RAD18: variants seen among roughly 807,000 people sequenced by gnomAD.
The protein encoded by RAD18 is RAD18 E3 ubiquitin protein ligase, also known as E3 ubiquitin-protein ligase RAD18.
RAD18 carries 47 observed loss-of-function variants against 60.4 expected under a neutral mutation model. That is an observed-to-expected ratio of 0.78 (90% CI 0.62 to 0.99). RAD18 has a LOEUF of 0.99. RAD18 is among the 50% of genes least tolerant of loss of function. The probability of loss-of-function intolerance (pLI) is 0.00; values close to 1 mark genes in which losing one functional copy is unlikely to be tolerated. For synonymous variants in RAD18, 225 were observed against 195.5 expected, an observed-to-expected ratio of 1.15 and a Z score of -1.26; for missense variants, 640 against 593.3, an observed-to-expected ratio of 1.08 and a Z score of -0.82.
chr3:8,937,974 A>G (rs917232354), intron 6 of RAD18, among the ~76,000 whole-genome samples: 5 of 152,190 alleles, frequency 3.3e-5, no homozygotes, highest in African/African-American at 1.2e-4. Flanking sequence ...ATTCGAACTG[A>G]TGGATGGATC....
intron 11 of RAD18, among the ~76,000 whole-genome samples, chr3:8,895,324 C>T (rs965954734): frequency 6.6e-6 from 1 of 152,152 alleles, no homozygotes; most frequent in African/African-American, 2.4e-5. Context: ...GTCAACTTTC[C>T]AACAGCAATT....
At chr3:8,947,743 T>C (rs1940859842) in intron 3 of RAD18, among the ~76,000 whole-genome samples, 1 of 152,262 alleles carries the variant, frequency 6.6e-6, no homozygotes, top group Admixed American at 6.5e-5. Flanking sequence ...CCAGTACTTA[T>C]TTGGCATGAA....
chr3:8,948,964 G>T (rs191657111), intron 2 of RAD18, among the ~76,000 whole-genome samples: 4 of 152,136 alleles, frequency 2.6e-5, no homozygotes, highest in African/African-American at 7.2e-5. Context: ...ATATATCCAG[G>T]TTATCACATT....
In RAD18 at chr3:8,959,007, A is replaced by T; in HGVS notation, c.52-6T>A. 1 of 1,610,304 alleles carries T rather than the reference A, an allele frequency of 6.2e-7. No individual in the cohort carries two copies. Among genetic ancestry groups the T allele is most frequent in the Non-Finnish European group, 8.5e-7 (1 of 1,176,586 alleles). On this transcript the variant is annotated splice_polypyrimidine_tract_variant and splice_region_variant and intron_variant, in intron 1 of 12. Coordinates refer to ENST00000264926, the MANE Select transcript of RAD18 (RefSeq NM_020165.4). ...CGCAGCAAATCATCTATTGTCTGAA[A>T]TGCAAATATGCATATATACATATCA... is the stretch of plus-strand genomic sequence containing the variant.
intron 11 of RAD18, among the ~76,000 whole-genome samples, chr3:8,894,280 C>A (rs6792980): frequency 6.6e-6 from 1 of 151,734 alleles, no homozygotes. Context: ...TCCACTAGAA[C>A]TAAAGAAAGA....
intron 9 of RAD18, among the ~76,000 whole-genome samples, chr3:8,908,653 G>A (rs1008512532): frequency 5.0e-4 from 76 of 152,276 alleles, no homozygotes; most frequent in African/African-American, 1.7e-3. Context: ...CATGCGGTCT[G>A]CATGCAGTAT....
intron 12 of RAD18, among the ~76,000 whole-genome samples, chr3:8,885,720 C>G (rs1331241069): frequency 6.6e-6 from 1 of 152,176 alleles, no homozygotes; most frequent in African/African-American, 2.4e-5. Context: ...CAACAGGTTA[C>G]AGGAGGAGCT....
chr3:8,918,039 C>T (rs569077575), intron 7 of RAD18, among the ~76,000 whole-genome samples: 5 of 152,196 alleles, frequency 3.3e-5, no homozygotes, highest in Non-Finnish European at 4.4e-5. Context: ...AATTAGGGGC[C>T]GGGCGCAGTG....
intron 11 of RAD18, among the ~76,000 whole-genome samples, chr3:8,897,285 G>T (rs1246623582): frequency 3.9e-5 from 6 of 152,038 alleles, no homozygotes. Context: ...TAAAATGTAG[G>T]GGGATAATAG....
At chr3:8,932,184 A>G (rs369408294) in intron 7 of RAD18, among the ~76,000 whole-genome samples, 30 of 152,304 alleles carry the variant, frequency 2.0e-4, no homozygotes, top group African/African-American at 7.2e-4. Flanking sequence ...AGTAAATTAA[A>G]TTTCGTCAAA....
At chr3:8,917,891 T>TA (rs1378107430) in intron 7 of RAD18, among the ~76,000 whole-genome samples, 1 of 151,920 alleles carries the variant, frequency 6.6e-6, no homozygotes, top group Non-Finnish European at 1.5e-5. Context: ...CCATTTTAAA[T>TA]AAAAAGATAG....
intron 4 of RAD18, among the ~76,000 whole-genome samples, chr3:8,944,072 A>C (rs956161179): frequency 1.4e-4 from 21 of 152,198 alleles, no homozygotes; most frequent in Non-Finnish European, 1.2e-4. Context: ...AACAAGAAAT[A>C]AATGAGAGAA....
intron 1 of RAD18, among the ~76,000 whole-genome samples, chr3:8,961,514 G>C (rs1941094736): frequency 6.6e-6 from 1 of 152,154 alleles, no homozygotes; most frequent in African/African-American, 2.4e-5. Context: ...TCCTAAGTTA[G>C]CAACCATGGA....
At position 8,913,706 on chromosome 3, in the gene RAD18, G is replaced by C. The variant is rs536501018; in HGVS notation, c.904C>G (p.Arg302Gly). The change falls in exon 8 of 13, where the codon CGA (arginine) becomes GGA (glycine). Residue 302 changes from arginine (R) to glycine (G), a missense_variant. Arg to Gly is a moderately radical substitution (Grantham distance 125, BLOSUM62 -2). Transcript: ENST00000264926. ...LHPKSAAEIV[R>G]EIENIEKTRM... ...GTCTTCTCTATATTTTCGATTTCTC[G>C]AACTATTTCAGCAGCTGTTAAAATA... is the stretch of plus-strand genomic sequence containing the variant. 1.9e-5 allele frequency: 29 copies of C among 1,560,330 alleles called. No individual in the cohort carries two copies. The highest frequency in any genetic ancestry group is 2.4e-5 in the Non-Finnish European group (28 of 1,146,608).
intron 9 of RAD18, among the ~76,000 whole-genome samples, chr3:8,904,435 T>A (rs1470153638): frequency 6.6e-6 from 1 of 152,224 alleles, no homozygotes; most frequent in African/African-American, 2.4e-5. Context: ...AATATTTTTA[T>A]GTGTATGGTA....
intron 7 of RAD18, among the ~76,000 whole-genome samples, chr3:8,921,197 G>A (rs994212431): frequency 6.6e-6 from 1 of 152,110 alleles, no homozygotes; most frequent in Non-Finnish European, 1.5e-5. Flanking sequence ...AACAATAGGT[G>A]GATCTGTACA....
At chr3:8,895,831 AC>A (rs1486970640) in intron 11 of RAD18, among the ~76,000 whole-genome samples, 1 of 152,218 alleles carries the variant, frequency 6.6e-6, no homozygotes, top group Admixed American at 6.5e-5. Flanking sequence ...GCAAAACCAA[AC>A]AAATATAAGT....
At chr3:8,939,893 C>A (rs1940718412) in intron 5 of RAD18, among the ~76,000 whole-genome samples, 2 of 152,164 alleles carry the variant, frequency 1.3e-5, no homozygotes, top group Admixed American at 1.3e-4. Context: ...GAGAAAGAGA[C>A]TGCAAATAAG....
At position 8,912,298 on chromosome 3, in the gene RAD18, G is replaced by A; in HGVS notation, c.1027+14C>T. Reference sequence around the variant, plus strand: ...TGAAGCTCTTTACAAATTAAATAAAGTCGTGCAACTTACGATATTTACTGT... The same window carrying A: ...TGAAGCTCTTTACAAATTAAATAAAATCGTGCAACTTACGATATTTACTGT... On this transcript the variant is annotated intron_variant, in intron 9 of 12. Transcript: ENST00000264926. 1 of 1,531,328 alleles carries A rather than the reference G, an allele frequency of 6.5e-7. No individual in the cohort carries two copies. Among genetic ancestry groups the A allele is most frequent in the Middle Eastern group, 1.7e-4 (1 of 5,900 alleles). 94.9% of individuals were successfully genotyped at this position (1,531,328 alleles called of 1,614,324 possible). A position where few individuals can be genotyped will look rare whatever the true frequency, so the allele number is the denominator to read the frequency against.
Sources: allele counts gnomAD v4.1 joint callset (sites outside exome capture counted in the v4.1 genomes callset), GRCh38; gene constraint gnomAD v4.1.1; transcripts MANE v1.5; gene names NCBI Gene and HGNC (gene_info 2026-07-23, HGNC 2026-07-21).